The following LAMA3 variants were observed in gnomAD, a reference collection of about 807,000 sequenced individuals.
LAMA3 encodes the protein laminin subunit alpha 3.
Under a neutral mutation model 402.0 loss-of-function variants are expected in LAMA3, and 281 were observed. The observed-to-expected ratio is 0.70, with a 90% confidence interval of 0.63 to 0.77. The LOEUF (loss-of-function observed/expected upper bound fraction) is 0.77, where lower values mean the gene tolerates loss of function less well. LAMA3 is among the 30% of genes least tolerant of loss of function. The pLI, the probability that LAMA3 is intolerant of heterozygous loss-of-function variation, is 0.00. For synonymous variants in LAMA3, 1,431 were observed against 1,558.4 expected (o/e 0.92, Z 1.93); for missense variants, 3,840 against 4,215.5 (o/e 0.91, Z 2.47).
At chr18:23,877,021 G>T (rs956057702) in intron 39 of LAMA3, among the ~76,000 whole-genome samples, 20 of 152,116 alleles carry the variant, frequency 1.3e-4, no homozygotes, top group African/African-American at 4.8e-4. Flanking sequence ...AACTCGGTCT[G>T]CATTCCATCC....
intron 8 of LAMA3, among the ~76,000 whole-genome samples, chr18:23,766,294 A>G (rs192347268): frequency 1.4e-4 from 21 of 152,348 alleles, no homozygotes; most frequent in Non-Finnish European, 2.1e-4. Flanking sequence ...AAAGTGCTAA[A>G]AGAAAAAAGA....
At chr18:23,837,574 T>C (rs762418765) in intron 25 of LAMA3, among the ~76,000 whole-genome samples, 1 of 132,008 alleles carries the variant, frequency 7.6e-6, no homozygotes, top group African/African-American at 3.2e-5. Flanking sequence ...TAATCAGATA[T>C]ATATATATAT....
chr18:23,749,872 A>G (rs1419005723), intron 4 of LAMA3, among the ~76,000 whole-genome samples: 5 of 152,158 alleles, frequency 3.3e-5, no homozygotes, highest in Admixed American at 3.3e-4. Flanking sequence ...CTCTTCACCT[A>G]TGATCCCATG....
At chr18:23,929,456 G>A (rs1208804544) in intron 64 of LAMA3, among the ~76,000 whole-genome samples, 2 of 152,192 alleles carry the variant, frequency 1.3e-5, no homozygotes, top group East Asian at 1.9e-4. Flanking sequence ...GAGCACAGCA[G>A]ACTTCTAGTA....
At chr18:23,828,074 A>G (rs1344339974) in intron 23 of LAMA3, among the ~76,000 whole-genome samples, 1 of 152,218 alleles carries the variant, frequency 6.6e-6, no homozygotes, top group Non-Finnish European at 1.5e-5. Flanking sequence ...TAGGATATCA[A>G]CCATAACAAT....
chr18:23,803,214 A>G (rs2062896780), intron 12 of LAMA3, among the ~76,000 whole-genome samples: 4 of 152,244 alleles, frequency 2.6e-5, no homozygotes, highest in Admixed American at 2.6e-4. Context: ...CCCTTCCATG[A>G]TAGGACAGTT....
intron 40 of LAMA3, among the ~76,000 whole-genome samples, chr18:23,883,065 T>C (rs1042386796): frequency 6.6e-6 from 1 of 152,138 alleles, no homozygotes; most frequent in African/African-American, 2.4e-5. Context: ...AAAAGGCCTG[T>C]GACAATGTGT....
At chr18:23,930,625 G>T (rs1243484273) in intron 64 of LAMA3, among the ~76,000 whole-genome samples, 1 of 152,062 alleles carries the variant, frequency 6.6e-6, no homozygotes, top group Non-Finnish European at 1.5e-5. Flanking sequence ...GTGTGCGCCT[G>T]TGGTCCCAGC....
chr18:23,929,798 C>T (rs1345238806), intron 64 of LAMA3, among the ~76,000 whole-genome samples: 1 of 152,176 alleles, frequency 6.6e-6, no homozygotes, highest in African/African-American at 2.4e-5. Flanking sequence ...TTTGATCTAG[C>T]TCTTATGATA....
intron 68 of LAMA3, among the ~76,000 whole-genome samples, chr18:23,941,199 G>A (rs1294929035): frequency 6.6e-6 from 1 of 151,818 alleles, no homozygotes; most frequent in Non-Finnish European, 1.5e-5. Flanking sequence ...GCCTCCCAAA[G>A]TGCTGGGATT....
chr18:23,831,868 G>A (rs998150914), intron 23 of LAMA3, among the ~76,000 whole-genome samples: 1 of 152,124 alleles, frequency 6.6e-6, no homozygotes, highest in African/African-American at 2.4e-5. Context: ...AACTAGTGGA[G>A]GTCAGTTCTG....
intron 12 of LAMA3, among the ~76,000 whole-genome samples, chr18:23,792,113 G>C (rs1352881607): frequency 6.6e-6 from 1 of 152,106 alleles, no homozygotes; most frequent in Non-Finnish European, 1.5e-5. Flanking sequence ...CTGGGAGGGG[G>C]TGGATATCTA....
chr18:23,900,070 C>T (rs75964664), intron 47 of LAMA3, among the ~76,000 whole-genome samples: 24 of 150,742 alleles, frequency 1.6e-4, no homozygotes, highest in South Asian at 4.2e-4. Context: ...TGTGTGTGTG[C>T]GTGTGTGTGT....
At chr18:23,940,944 T>C (rs1220956804) in intron 68 of LAMA3, among the ~76,000 whole-genome samples, 43 of 148,970 alleles carry the variant, frequency 2.9e-4, no homozygotes, top group Middle Eastern at 3.2e-3. Context: ...CTTTTCTTTT[T>C]TTTTTTTTTT....
chr18:23,915,909 G>T (rs1311260370), intron 59 of LAMA3, among the ~76,000 whole-genome samples: 1 of 149,968 alleles, frequency 6.7e-6, no homozygotes, highest in South Asian at 2.1e-4. Flanking sequence ...GGAAGGCTGA[G>T]GCACAGGAAT....
At chr18:23,921,857 C>T (rs1342267879) in intron 62 of LAMA3, among the ~76,000 whole-genome samples, 1 of 152,190 alleles carries the variant, frequency 6.6e-6, no homozygotes, top group Non-Finnish European at 1.5e-5. Context: ...GTTGGGTTAA[C>T]AATGCTGGCA....
In LAMA3 at chr18:23,758,270, C is replaced by T. The variant is rs544158853; in HGVS notation, c.948-126C>T. 5 of 729,938 alleles carry T rather than the reference C, an allele frequency of 6.8e-6. No homozygotes were observed. The Admixed American group carries it at 1.0e-4, about 15-fold the overall frequency. The allele number at this position is 729,938 out of a possible 1,614,324, so 45.2% of individuals were successfully genotyped here. A position where few individuals can be genotyped will look rare whatever the true frequency, so the allele number is the denominator to read the frequency against. ...AATACTTGCGAAGTGTTGTGTTCTC[C>T]TAATTCCTCAATGAATGGTGCCGTG... is the stretch of plus-strand genomic sequence containing the variant. On this transcript the variant is annotated intron_variant, in intron 6 of 74. Transcript: ENST00000313654.
chr18:23,819,652 T>C (rs2063244895), intron 18 of LAMA3, among the ~76,000 whole-genome samples, 189 bp from the exon 19 acceptor site: 1 of 152,246 alleles, frequency 6.6e-6, no homozygotes, highest in South Asian at 2.1e-4. Context: ...GAGTGTGTTT[T>C]ATGTGAATGT....
At chr18:23,811,296 G>C (rs574241262) in intron 13 of LAMA3, among the ~76,000 whole-genome samples, 2 of 152,166 alleles carry the variant, frequency 1.3e-5, no homozygotes, top group Non-Finnish European at 1.5e-5. Context: ...CTACTGTGAA[G>C]AGGTGTTTGT....
Sources: allele counts gnomAD v4.1 joint callset (sites outside exome capture counted in the v4.1 genomes callset), GRCh38; gene constraint gnomAD v4.1.1; transcripts MANE v1.5; gene names NCBI Gene and HGNC (gene_info 2026-07-23, HGNC 2026-07-21).